The following ZC3H12D variants were observed in gnomAD, a reference collection of about 807,000 sequenced individuals.
ZC3H12D encodes the protein probable ribonuclease ZC3H12D.
Under a neutral mutation model 24.2 loss-of-function variants are expected in ZC3H12D, and 11 were observed. The ratio of observed to expected loss-of-function variants is 0.46; its 90% CI spans 0.29 to 0.75. ZC3H12D has a LOEUF of 0.75. Ranked by LOEUF, ZC3H12D falls within the 30% of genes least tolerant of loss-of-function variation. The pLI is 0.11. For missense variants in ZC3H12D, 740 were observed against 767.7 expected (o/e 0.96, Z 0.43); for synonymous variants, 333 against 341.8 (o/e 0.97, Z 0.28).
intron 2 of ZC3H12D, among the ~76,000 whole-genome samples, chr6:149,472,941 A>T (rs1257154473): frequency 6.6e-6 from 1 of 152,158 alleles, no homozygotes; most frequent in Admixed American, 6.5e-5. Flanking sequence ...CTGGATTCTT[A>T]AAAATCCTTT....
intron 3 of ZC3H12D, among the ~76,000 whole-genome samples, chr6:149,458,011 C>T (rs1262870035): frequency 6.6e-6 from 1 of 151,970 alleles, no homozygotes; most frequent in Non-Finnish European, 1.5e-5. Flanking sequence ...TCCCCTTAAG[C>T]CCTTAGGACA....
intron 2 of ZC3H12D, among the ~76,000 whole-genome samples, chr6:149,468,794 G>A (rs955461758): frequency 2.0e-5 from 3 of 152,064 alleles, no homozygotes; most frequent in South Asian, 2.1e-4. Flanking sequence ...CCCCCAGCCC[G>A]GTCATAAACC....
intron 1 of ZC3H12D, among the ~76,000 whole-genome samples, chr6:149,481,797 T>G (rs1776430196): frequency 6.6e-6 from 1 of 152,280 alleles, no homozygotes; most frequent in East Asian, 1.9e-4. Flanking sequence ...GCATGGCTAG[T>G]AAAATGGCAG....
chr6:149,460,837 AAAAAAG>A (rs1253486039), intron 3 of ZC3H12D, among the ~76,000 whole-genome samples: 1 of 148,654 alleles, frequency 6.7e-6, no homozygotes, highest in African/African-American at 2.5e-5. Flanking sequence ...TGTCAAAAAA[AAAAAAG>A]AAAGAAAGAA....
At chr6:149,467,423 T>A (rs1367465041) in intron 2 of ZC3H12D, among the ~76,000 whole-genome samples, 2 of 152,096 alleles carry the variant, frequency 1.3e-5, no homozygotes, top group East Asian at 3.9e-4. Context: ...TGGCTAATTT[T>A]AAAAATTTGT....
chr6:149,454,632 G>C (rs991695121), intron 4 of ZC3H12D, among the ~76,000 whole-genome samples: 9 of 152,382 alleles, frequency 5.9e-5, no homozygotes, highest in African/African-American at 1.9e-4. Flanking sequence ...CACCAGGGCA[G>C]GCGCCCTCGC....
At chr6:149,455,253 C>T (rs1002865466) in intron 4 of ZC3H12D, among the ~76,000 whole-genome samples, 1 of 152,178 alleles carries the variant, frequency 6.6e-6, no homozygotes, top group Non-Finnish European at 1.5e-5. Flanking sequence ...AGACCTCTTT[C>T]CCCATCGACC....
chr6:149,451,338 C>T lies in ZC3H12D; in HGVS notation c.929G>A (p.Arg310Lys). The change falls in exon 6 of 6, where the codon AGA becomes AAA. Residue 310 changes from arginine (R) to lysine (K), a missense_variant. By Grantham distance (26) the Arg-to-Lys change is conservative (BLOSUM62 2). Coordinates refer to ENST00000409806, the MANE Select transcript of ZC3H12D (RefSeq NM_207360.3). ...GGCTCCTGCGGAGCCGCCCGGGGCT[C>T]TCGGTGGCCGCTGCTCCTCGGCGCC... ...GAGAEEQRPPRAPGGSAGARA... is the reference protein window; with the variant it reads ...GAGAEEQRPPKAPGGSAGARA... The T allele has an allele frequency of 1.4e-6, 2 of 1,446,870 alleles. No individual in the cohort carries two copies. The highest frequency in any genetic ancestry group is 3.0e-5 in the African/African-American group (2 of 66,942). 89.6% of individuals were successfully genotyped at this position (1,446,870 alleles called of 1,614,324 possible).
intron 4 of ZC3H12D, among the ~76,000 whole-genome samples, chr6:149,453,073 T>C (rs1775925998): frequency 6.8e-6 from 1 of 146,956 alleles, no homozygotes; most frequent in Non-Finnish European, 1.5e-5. Context: ...TCCCTTGAGC[T>C]CAGGAGTTCA....
chr6:149,467,551 GC>G (rs138463260), intron 2 of ZC3H12D, among the ~76,000 whole-genome samples: 2,221 of 152,144 alleles, frequency 0.015, 49 homozygotes, highest in African/African-American at 0.052. Flanking sequence ...ACTGCGCCTG[GC>G]CTTGGAGCTC....
At chr6:149,463,305 GC>G (rs1289333074) in intron 2 of ZC3H12D, among the ~76,000 whole-genome samples, 2 of 152,248 alleles carry the variant, frequency 1.3e-5, no homozygotes, top group Non-Finnish European at 2.9e-5. Context: ...ATCAGGCAGG[GC>G]CTTGCAGACA....
Position 149,451,314 on chromosome 6 carries a change from G to A in ZC3H12D, c.953C>T (p.Ala318Val). 9 of 1,336,192 alleles carry A rather than the reference G, an allele frequency of 6.7e-6. No homozygotes were observed. The highest frequency in any genetic ancestry group is 8.5e-6 in the Non-Finnish European group (9 of 1,053,452). 82.8% of individuals were successfully genotyped at this position (1,336,192 alleles called of 1,614,324 possible). A position where few individuals can be genotyped will look rare whatever the true frequency, so the allele number is the denominator to read the frequency against. Residue 318 changes from alanine (A) to valine (V), a missense_variant, in exon 6 of 6, where the codon GCC (alanine) becomes GTC (valine). By Grantham distance (64) the Ala-to-Val change is moderately conservative. Coordinates refer to ENST00000409806, the MANE Select transcript of ZC3H12D (RefSeq NM_207360.3). Reference protein sequence around the residue: ...PPRAPGGSAGARAAPREPFAH... With the variant: ...PPRAPGGSAGVRAAPREPFAH... ...AAATGGTTCCCGGGGGGCCGCCCGG[G>A]CTCCTGCGGAGCCGCCCGGGGCTCT...
At chr6:149,479,584 A>G (rs1562478675) in intron 1 of ZC3H12D, among the ~76,000 whole-genome samples, 1 of 152,338 alleles carries the variant, frequency 6.6e-6, no homozygotes, top group East Asian at 1.9e-4. Flanking sequence ...CTGTCTTATA[A>G]CACAATGAAT....
rs1157867913 is a variant in ZC3H12D, at chr6:149,450,722, C to T, written c.1545G>A (p.Gln515=). 6.5e-7 allele frequency: 1 copy of T among 1,546,216 alleles called. No individual in the cohort carries two copies. The change falls in exon 6 of 6, where the codon CAG becomes CAA. Residue 515 remains glutamine, a synonymous_variant. Coordinates refer to ENST00000409806, the MANE Select transcript of ZC3H12D (RefSeq NM_207360.3). ...GGGGCGCCCCCGCGCTCTGGCATCT[C>T]TGTACCAGGAGGATGAGCCTGGCGA... ...SDLARLILLV[Q]RCQSAGAPLG...
chr6:149,478,393 ATT>A (rs57879307), intron 1 of ZC3H12D, among the ~76,000 whole-genome samples: 1 of 149,834 alleles, frequency 6.7e-6, no homozygotes, highest in Non-Finnish European at 1.5e-5. Flanking sequence ...CTTCTTACTA[ATT>A]TTTTTTTTGT....
rs1466071376 is a variant in ZC3H12D at position 149,451,359 on chromosome 6, G to A, written c.908C>T (p.Ala303Val). The A allele has an allele frequency of 2.0e-6, 3 of 1,478,776 alleles. No individual in the cohort carries two copies. Among genetic ancestry groups the A allele is most frequent in the Admixed American group, 2.3e-5 (1 of 44,012 alleles). The allele number at this position is 1,478,776 out of a possible 1,614,324, so 91.6% of individuals were successfully genotyped here. Residue 303 changes from alanine to valine, a missense_variant, in exon 6 of 6, where the codon GCC (alanine) becomes GTC (valine). Physicochemically the swap from Ala to Val is moderately conservative, Grantham distance 64. Transcript: ENST00000409806. ...GGCTCTCGGTGGCCGCTGCTCCTCG[G>A]CGCCCGCGCCAGGCCGGGCCCCTGT... ...AKTGARPGAG[A>V]EEQRPPRAPG... is the part of the protein sequence containing the mutation.
At chr6:149,467,364 C>T (rs1260699400) in intron 2 of ZC3H12D, among the ~76,000 whole-genome samples, 1 of 152,102 alleles carries the variant, frequency 6.6e-6, no homozygotes, top group Non-Finnish European at 1.5e-5. Context: ...GCAGTCCTCC[C>T]ACCTCAGCCT....
At position 149,474,604 on chromosome 6, in the gene ZC3H12D, C is replaced by T; in HGVS notation, c.-61G>A. 1.5e-6 allele frequency: 2 copies of T among 1,366,026 alleles called. No homozygotes were observed. The highest frequency in any genetic ancestry group is 5.2e-5 in the East Asian group (2 of 38,486). 84.6% of individuals were successfully genotyped at this position (1,366,026 alleles called of 1,614,324 possible). A position where few individuals can be genotyped will look rare whatever the true frequency, so the allele number is the denominator to read the frequency against. On this transcript the variant is annotated 5_prime_UTR_variant, in exon 2 of 6. Coordinates refer to ENST00000409806, the MANE Select transcript of ZC3H12D (RefSeq NM_207360.3). ...CAGGCTTCCTCCTCTCAGAGCCCTG[C>T]AGACATGAGCTAAAGAGAAAAAAAA...
At chr6:149,474,109 A>C in intron 2 of ZC3H12D, 130 bp downstream of exon 2, 1 of 696,372 alleles carries the variant, frequency 1.4e-6, no homozygotes, top group Non-Finnish European at 2.2e-6. Context: ...AAGAGATGGT[A>C]CAGGGATTCA....
Sources: allele counts gnomAD v4.1 joint callset (sites outside exome capture counted in the v4.1 genomes callset), GRCh38; gene constraint gnomAD v4.1.1; transcripts MANE v1.5; gene names NCBI Gene and HGNC (gene_info 2026-07-23, HGNC 2026-07-21).